Variants in DEUP1 observed in about 807,000 individuals in gnomAD.
The protein encoded by DEUP1 is coiled-coil domain containing 67.
DEUP1 carries 82 observed loss-of-function variants against 87.4 expected under a neutral mutation model. That is an observed-to-expected ratio of 0.94 (90% CI 0.78 to 1.13). The LOEUF is 1.13. Ranked by LOEUF, DEUP1 falls within the 50% of genes most tolerant of loss-of-function variation. DEUP1 has a pLI of 0.00. For synonymous variants in DEUP1, 214 were observed against 222.7 expected, an observed-to-expected ratio of 0.96 and a Z score of 0.35; for missense variants, 663 against 681.5, an observed-to-expected ratio of 0.97 and a Z score of 0.30.
intron 11 of DEUP1, among the ~76,000 whole-genome samples, chr11:93,400,929 C>G (rs1222301166): frequency 6.6e-6 from 1 of 152,016 alleles, no homozygotes. Flanking sequence ...CAACATAATA[C>G]TCGAAGTCCT....
Position 93,419,541 on chromosome 11 carries a change from GT to G in DEUP1, c.1638+4431del, listed in dbSNP as rs1248101909. Among the ~76,000 whole-genome samples the G allele has an allele frequency of 2.6e-5, 4 of 152,070 alleles. No individual in the cohort carries two copies. The East Asian group carries it at 7.7e-4, about 29-fold the overall frequency. On this transcript the variant is annotated intron_variant, in intron 13 of 13. Transcript: ENST00000298050. ...ACATTGAAATGGGTCAAACCACCTA[GT>G]TTTATTTTCTAGGCACCACCAACTA...
intron 5 of DEUP1, among the ~76,000 whole-genome samples, chr11:93,368,226 G>A (rs531155474): frequency 5.3e-5 from 8 of 152,340 alleles, no homozygotes; most frequent in African/African-American, 1.9e-4. Context: ...ATGGCCACAA[G>A]GGGCAAAGTC....
intron 5 of DEUP1, among the ~76,000 whole-genome samples, chr11:93,369,428 TAGAA>T (rs1313934427): frequency 5.4e-5 from 8 of 148,196 alleles, no homozygotes; most frequent in African/African-American, 1.5e-4. Flanking sequence ...TGTCAAGAAA[TAGAA>T]AGAAAGTAGT....
At chr11:93,331,971 G>A (rs1333618647) in intron 1 of DEUP1, among the ~76,000 whole-genome samples, 1 of 152,184 alleles carries the variant, frequency 6.6e-6, no homozygotes, top group East Asian at 1.9e-4. Flanking sequence ...AACCTGGGAG[G>A]CAGAGGTTGC....
chr11:93,344,410 T>G (rs2134173740), intron 2 of DEUP1, among the ~76,000 whole-genome samples: 1 of 152,322 alleles, frequency 6.6e-6, no homozygotes, highest in East Asian at 1.9e-4. Context: ...CTAACTTAAC[T>G]GCTTATCAGC....
chr11:93,340,075 G>A (rs1021033654), intron 2 of DEUP1, among the ~76,000 whole-genome samples: 4 of 152,170 alleles, frequency 2.6e-5, no homozygotes, highest in Non-Finnish European at 5.9e-5. Context: ...ATGGCTCTGC[G>A]ATGGTATCAG....
chr11:93,345,904 G>A (rs996998447), intron 2 of DEUP1, among the ~76,000 whole-genome samples: 14 of 152,058 alleles, frequency 9.2e-5, no homozygotes, highest in East Asian at 5.8e-4. Flanking sequence ...TATTGCTTTC[G>A]GTGTCTTTGT....
rs200122811 is a variant in DEUP1 at position 93,371,283 on chromosome 11, G to C, written c.789+3G>C. ...AAATGTACCAAAGACAGTGCCAGGT[G>C]AAGATTAATTTTTTTTCAACTAATA... On this transcript the variant is annotated splice_donor_region_variant and intron_variant, in intron 7 of 13. Transcript: ENST00000298050. 13 of 1,607,280 alleles carry C rather than the reference G, an allele frequency of 8.1e-6. No individual in the cohort carries two copies. The East Asian group carries it at 2.9e-4, about 36-fold the overall frequency.
intron 9 of DEUP1, among the ~76,000 whole-genome samples, chr11:93,389,610 C>T (rs1257883527): frequency 6.6e-6 from 1 of 151,860 alleles, no homozygotes; most frequent in Non-Finnish European, 1.5e-5. Flanking sequence ...TTCATTTATT[C>T]CTCACAAACA....
chr11:93,432,829 GGAT>G (rs1948143911), intron 13 of DEUP1, among the ~76,000 whole-genome samples: 1 of 152,200 alleles, frequency 6.6e-6, no homozygotes, highest in South Asian at 2.1e-4. Context: ...CATGCTGGAA[GGAT>G]GATGGATAGG....
In DEUP1 at chr11:93,364,059, A is replaced by C. The variant is rs550808725; in HGVS notation, c.298-101A>C. On this transcript the variant is annotated intron_variant, in intron 4 of 13. Transcript: ENST00000298050. ...TTAAGCTTTACTGCACTTTCTAATC[A>C]TGACAAATTTTCAAAGAGGTACACA... The C allele has an allele frequency of 2.1e-5, 18 of 868,342 alleles. No homozygotes were observed. In the South Asian group the frequency reaches 2.4e-4, roughly 11 times the overall value. 53.8% of individuals were successfully genotyped at this position (868,342 alleles called of 1,614,324 possible).
chr11:93,355,748 A>G (rs1944864976), intron 3 of DEUP1, among the ~76,000 whole-genome samples: 1 of 152,228 alleles, frequency 6.6e-6, no homozygotes, highest in Admixed American at 6.5e-5. Context: ...GTTTGCTGAT[A>G]GAGACAGATA....
chr11:93,382,581 G>T (rs1237269700), intron 7 of DEUP1, among the ~76,000 whole-genome samples: 1 of 152,072 alleles, frequency 6.6e-6, no homozygotes, highest in African/African-American at 2.4e-5. Flanking sequence ...ACCCTAGCCT[G>T]TGGCAACACT....
chr11:93,408,168 A>G, intron 11 of DEUP1, 63 bp from the exon 12 acceptor site: 4 of 1,186,422 alleles, frequency 3.4e-6, no homozygotes, highest in Non-Finnish European at 4.6e-6. Context: ...CTCCAAACAC[A>G]CAGAAAATAT....
chr11:93,381,452 G>T (rs1946300249), intron 7 of DEUP1, among the ~76,000 whole-genome samples: 1 of 152,016 alleles, frequency 6.6e-6, no homozygotes, highest in African/African-American at 2.4e-5. Flanking sequence ...TTTGTTTATG[G>T]CACACTTTAA....
intron 1 of DEUP1, among the ~76,000 whole-genome samples, chr11:93,331,682 G>T (rs1943489731): frequency 1.3e-5 from 2 of 152,302 alleles, no homozygotes; most frequent in Admixed American, 6.5e-5. Flanking sequence ...GAACAACGTA[G>T]TACAAGCTAT....
At chr11:93,339,987 A>G (rs143378577) in intron 2 of DEUP1, among the ~76,000 whole-genome samples, 21 of 152,178 alleles carry the variant, frequency 1.4e-4, no homozygotes, top group African/African-American at 5.1e-4. Context: ...TCAAATAAAA[A>G]CCAGAAGCTC....
At chr11:93,375,037 T>C (rs1945967692) in intron 7 of DEUP1, among the ~76,000 whole-genome samples, 2 of 149,820 alleles carry the variant, frequency 1.3e-5, no homozygotes, top group Admixed American at 1.3e-4. Context: ...TTCTTTTCTT[T>C]TTTTTTTTTT....
intron 5 of DEUP1, among the ~76,000 whole-genome samples, chr11:93,367,667 A>G (rs1282386324): frequency 6.6e-6 from 1 of 152,158 alleles, no homozygotes; most frequent in Non-Finnish European, 1.5e-5. Flanking sequence ...TTCTTTCCAC[A>G]GAACCTGGTG....
Sources: gnomAD v4.1 joint callset for allele counts (sites outside exome capture counted in the v4.1 genomes callset) on GRCh38, gnomAD v4.1.1 for gene constraint, MANE v1.5 for transcripts, NCBI Gene and HGNC (gene_info 2026-07-23, HGNC 2026-07-21) for gene names.